Variants in WDR49 observed in about 807,000 individuals in gnomAD.
WDR49 encodes the protein WD repeat domain 49.
Under a neutral mutation model 119.5 loss-of-function variants are expected in WDR49, and 107 were observed. The ratio of observed to expected loss-of-function variants is 0.90; its 90% CI spans 0.77 to 1.05. WDR49 has a LOEUF of 1.05. WDR49 is among the 50% of genes least tolerant of loss of function. The pLI is 0.00. For synonymous variants in WDR49, 425 were observed against 418.8 expected (o/e 1.01, Z -0.18); for missense variants, 1,240 against 1,220.5 (o/e 1.02, Z -0.24).
intron 2 of WDR49, among the ~76,000 whole-genome samples, chr3:167,639,150 G>A (rs1164513748): frequency 2.0e-5 from 3 of 151,732 alleles, no homozygotes; most frequent in Non-Finnish European, 4.4e-5. Flanking sequence ...GCAGCCAACA[G>A]AGAACTGAGC....
intron 16 of WDR49, among the ~76,000 whole-genome samples, chr3:167,508,301 C>G (rs9825572): frequency 0.98 from 149,765 of 152,346 alleles, 73,621 homozygotes; most frequent in East Asian, 1. Flanking sequence ...ACACAGAACA[C>G]TGATAAAGTA....
At chr3:167,528,975 A>T in intron 14 of WDR49, 77 bp downstream of exon 14, 17 of 1,250,202 alleles carry the variant, frequency 1.4e-5, no homozygotes, top group Non-Finnish European at 1.7e-5. Flanking sequence ...GAGACAGACA[A>T]GGCTTGATTC....
intron 18 of WDR49, among the ~76,000 whole-genome samples, chr3:167,486,503 G>C (rs907552560): frequency 6.6e-6 from 1 of 152,096 alleles, no homozygotes. Context: ...CTGTCTTCAA[G>C]AGACCCATCT....
chr3:167,596,728 G>C (rs1179806124), intron 7 of WDR49, among the ~76,000 whole-genome samples: 1 of 109,244 alleles, frequency 9.2e-6, no homozygotes. Flanking sequence ...TGTGGGGTGG[G>C]GGGAGGGGGG....
chr3:167,592,155 A>G (rs975512147), intron 7 of WDR49, among the ~76,000 whole-genome samples: 5 of 152,216 alleles, frequency 3.3e-5, no homozygotes, highest in African/African-American at 1.2e-4. Context: ...CACTATTCGT[A>G]TAAACAAACC....
chr3:167,618,974 T>C (rs541641984), intron 5 of WDR49, among the ~76,000 whole-genome samples: 11 of 152,246 alleles, frequency 7.2e-5, no homozygotes, highest in South Asian at 2.1e-4. Context: ...AGCTTCCCCA[T>C]TCTCTTCCTG....
chr3:167,595,155 T>A (rs1715346312), intron 7 of WDR49, among the ~76,000 whole-genome samples: 1 of 152,050 alleles, frequency 6.6e-6, no homozygotes, highest in Non-Finnish European at 1.5e-5. Flanking sequence ...GGAATCTAAC[T>A]TACAAGGGAT....
intron 5 of WDR49, among the ~76,000 whole-genome samples, chr3:167,609,484 C>T (rs750797805): frequency 2.6e-4 from 40 of 152,140 alleles, no homozygotes; most frequent in Non-Finnish European, 4.7e-4. Context: ...TGGTGCCCGC[C>T]CACAGAGGGA....
At chr3:167,526,687 T>G (rs553009869) in intron 15 of WDR49, among the ~76,000 whole-genome samples, 179 of 152,272 alleles carry the variant, frequency 1.2e-3, no homozygotes, top group African/African-American at 3.9e-3. Context: ...CCAATGTGGG[T>G]CCACCTCCCA....
At chr3:167,603,798 T>G (rs1715895642) in intron 6 of WDR49, among the ~76,000 whole-genome samples, 1 of 152,110 alleles carries the variant, frequency 6.6e-6, no homozygotes. Context: ...TAAACAAACC[T>G]CGCATAATCT....
At chr3:167,483,722 T>C (rs1750812488) in intron 18 of WDR49, among the ~76,000 whole-genome samples, 1 of 152,182 alleles carries the variant, frequency 6.6e-6, no homozygotes, top group Non-Finnish European at 1.5e-5. Context: ...TTTAAAAAGA[T>C]ACCTGAAATG....
intron 7 of WDR49, among the ~76,000 whole-genome samples, chr3:167,601,705 T>C (rs1463258476): frequency 6.6e-6 from 1 of 152,192 alleles, no homozygotes; most frequent in African/African-American, 2.4e-5. Context: ...CTTGATGTTC[T>C]TCAGATTAAC....
chr3:167,630,345 CT>C (rs1717317295), intron 2 of WDR49, among the ~76,000 whole-genome samples: 1 of 152,056 alleles, frequency 6.6e-6, no homozygotes, highest in African/African-American at 2.4e-5. Flanking sequence ...GATATGTACA[CT>C]TTTTTAGATA....
intron 7 of WDR49, among the ~76,000 whole-genome samples, chr3:167,584,333 T>C (rs1560297968): frequency 1.3e-5 from 2 of 152,088 alleles, no homozygotes; most frequent in African/African-American, 4.8e-5. Context: ...AACAGAGAAA[T>C]ACTGAGAGCT....
chr3:167,586,695 G>C (rs1714832567), intron 7 of WDR49, among the ~76,000 whole-genome samples: 1 of 152,148 alleles, frequency 6.6e-6, no homozygotes, highest in African/African-American at 2.4e-5. Context: ...TTGTTGTAAA[G>C]ACGTAAAGAC....
chr3:167,523,653 T>C (rs1243750075), intron 15 of WDR49, among the ~76,000 whole-genome samples: 5 of 152,294 alleles, frequency 3.3e-5, no homozygotes, highest in South Asian at 2.1e-4. Context: ...GGTGTTTGGT[T>C]TTCTGTTCCT....
upstream of WDR49, among the ~76,000 whole-genome samples, chr3:167,656,439 T>G (rs1207897506): frequency 2.6e-5 from 4 of 152,090 alleles, no homozygotes; most frequent in Non-Finnish European, 5.9e-5. Flanking sequence ...GGAGAAGAAA[T>G]AGGAAAAACA....
intron 2 of WDR49, among the ~76,000 whole-genome samples, chr3:167,642,725 G>T (rs536605956): frequency 6.6e-6 from 1 of 152,060 alleles, no homozygotes; most frequent in East Asian, 1.9e-4. Flanking sequence ...GATCCCTGGA[G>T]AAATGGCTGG....
intron 5 of WDR49, among the ~76,000 whole-genome samples, chr3:167,616,544 A>G (rs1476470876): frequency 1.3e-5 from 2 of 152,144 alleles, no homozygotes; most frequent in African/African-American, 4.8e-5. Flanking sequence ...GGAGAAACAA[A>G]GATTAGCGTT....
Sources: allele counts gnomAD v4.1 joint callset (sites outside exome capture counted in the v4.1 genomes callset), GRCh38; gene constraint gnomAD v4.1.1; transcripts MANE v1.5; gene names NCBI Gene and HGNC (gene_info 2026-07-23, HGNC 2026-07-21).